Variants in GPHN observed in about 807,000 individuals in gnomAD.
GPHN encodes gephyrin.
A neutral mutation model predicts 95.5 loss-of-function variants in GPHN; 17 were observed. The observed-to-expected ratio is 0.18, with a 90% CI of 0.12 to 0.27. GPHN has a LOEUF of 0.27. GPHN is among the 10% of genes least tolerant of loss of function. The probability of loss-of-function intolerance (pLI) is 1.00; values close to 1 mark genes in which losing one functional copy is unlikely to be tolerated. For synonymous variants in GPHN, 320 were observed against 322.5 expected (o/e 0.99, Z 0.08); for missense variants, 660 against 978.1 (o/e 0.67, Z 4.34).
intron 17 of GPHN, among the ~76,000 whole-genome samples, chr14:67,138,450 T>G (rs2080231878): frequency 6.6e-6 from 1 of 152,216 alleles, no homozygotes; most frequent in South Asian, 2.1e-4. Flanking sequence ...CTGTTTTCTC[T>G]CTATTATATT....
chr14:67,501,860 G>A, the GPHN span, among the ~76,000 whole-genome samples: 10 of 152,218 alleles, frequency 6.6e-5, no homozygotes, highest in Non-Finnish European at 1.3e-4. Context: ...GCACATTCAC[G>A]TTTCTATGGT....
At chr14:67,052,607 T>C (rs757400622) in intron 10 of GPHN, among the ~76,000 whole-genome samples, 1 of 152,188 alleles carries the variant, frequency 6.6e-6, no homozygotes, top group Non-Finnish European at 1.5e-5. Context: ...CTGACAGATA[T>C]CTACAGAACT....
chr14:67,730,010 G>A, the GPHN span, among the ~76,000 whole-genome samples: 1 of 152,208 alleles, frequency 6.6e-6, no homozygotes, highest in East Asian at 1.9e-4. Context: ...ATTCCGTGAA[G>A]CACTGGAAAT....
At chr14:66,927,033 C>T (rs2066518021) in intron 8 of GPHN, among the ~76,000 whole-genome samples, 2 of 151,906 alleles carry the variant, frequency 1.3e-5, no homozygotes, top group African/African-American at 2.4e-5. Flanking sequence ...ATTTCTTTTT[C>T]ATATTGTTCA....
intron 2 of GPHN, among the ~76,000 whole-genome samples, chr14:66,733,547 T>C (rs959522977): frequency 1.3e-5 from 2 of 152,216 alleles, no homozygotes; most frequent in African/African-American, 4.8e-5. Context: ...TTTCTTATGC[T>C]AGTTTCTCTT....
chr14:67,690,299 C>T, the GPHN span: 39 of 1,614,120 alleles, frequency 2.4e-5, 1 homozygote, highest in South Asian at 6.6e-5. Context: ...TAGAATTTCT[C>T]GCCCTGCAGG....
intron 8 of GPHN, among the ~76,000 whole-genome samples, chr14:66,947,162 C>G (rs2067806962): frequency 6.6e-6 from 1 of 152,168 alleles, no homozygotes; most frequent in South Asian, 2.1e-4. Flanking sequence ...TTATTGCTTA[C>G]TAAGCTCCAT....
At chr14:66,691,118 G>A (rs190373062) in intron 2 of GPHN, among the ~76,000 whole-genome samples, 47 of 152,140 alleles carry the variant, frequency 3.1e-4, no homozygotes, top group African/African-American at 1.0e-3. Flanking sequence ...GAGGTGGGAG[G>A]ATCAGTTGAG....
At chr14:66,647,339 A>T (rs1178796207) in intron 1 of GPHN, among the ~76,000 whole-genome samples, 1 of 151,466 alleles carries the variant, frequency 6.6e-6, no homozygotes, top group Non-Finnish European at 1.5e-5. Context: ...AAAAAGATTT[A>T]AAAATGTATA....
At chr14:66,720,016 G>T (rs2070578264) in intron 2 of GPHN, among the ~76,000 whole-genome samples, 1 of 151,846 alleles carries the variant, frequency 6.6e-6, no homozygotes, top group Admixed American at 6.6e-5. Context: ...TAATCTAGAA[G>T]GTTATTTTAA....
At chr14:66,661,364 A>C (rs2065637803) in intron 1 of GPHN, among the ~76,000 whole-genome samples, 1 of 152,122 alleles carries the variant, frequency 6.6e-6, no homozygotes, top group Non-Finnish European at 1.5e-5. Flanking sequence ...CTGGGCATGG[A>C]AGGGATCACC....
the GPHN span, among the ~76,000 whole-genome samples, chr14:67,242,312 A>G: frequency 2.0e-3 from 300 of 152,324 alleles, 1 homozygote; most frequent in Middle Eastern, 6.8e-3. Flanking sequence ...AAGTTTTTAG[A>G]TGTAGTATGG....
At chr14:67,556,725 T>TA in the GPHN span, among the ~76,000 whole-genome samples, 2 of 152,210 alleles carry the variant, frequency 1.3e-5, no homozygotes, top group African/African-American at 2.4e-5. Flanking sequence ...TTATCTGTTT[T>TA]AAAAAAATTT....
At chr14:67,646,472 A>G in the GPHN span, 4 of 577,836 alleles carry the variant, frequency 6.9e-6, no homozygotes, top group Middle Eastern at 5.5e-4. Flanking sequence ...CTTCTGAAAC[A>G]TTTCCACCTT....
chr14:66,713,990 C>A (rs2069918838), intron 2 of GPHN, among the ~76,000 whole-genome samples: 1 of 152,032 alleles, frequency 6.6e-6, no homozygotes, highest in African/African-American at 2.4e-5. Context: ...GCTGGTTTCA[C>A]AATCCTCACC....
chr14:66,925,600 A>G (rs1483555018), intron 8 of GPHN, among the ~76,000 whole-genome samples: 1 of 152,198 alleles, frequency 6.6e-6, no homozygotes, highest in African/African-American at 2.4e-5. Context: ...GTTGCAAATG[A>G]CAGGATCTCA....
the GPHN span, among the ~76,000 whole-genome samples, chr14:67,416,907 A>C: frequency 0.31 from 46,840 of 152,204 alleles, 11,522 homozygotes; most frequent in African/African-American, 0.65. Flanking sequence ...GTGAACATTG[A>C]GTGGTCCTAC....
At chr14:66,660,687 A>G (rs2065591183) in intron 1 of GPHN, among the ~76,000 whole-genome samples, 1 of 152,166 alleles carries the variant, frequency 6.6e-6, no homozygotes, top group Non-Finnish European at 1.5e-5. Flanking sequence ...TCTTACAGAG[A>G]GGAACGAAAG....
At chr14:67,724,685 G>C in the GPHN span, 9 of 976,396 alleles carry the variant, frequency 9.2e-6, no homozygotes, top group South Asian at 1.1e-4. Flanking sequence ...TTCCTCCTAG[G>C]CTTGGGGGCT....
Sources: gnomAD v4.1 joint callset for allele counts (sites outside exome capture counted in the v4.1 genomes callset) on GRCh38, gnomAD v4.1.1 for gene constraint, MANE v1.5 for transcripts, NCBI Gene and HGNC (gene_info 2026-07-23, HGNC 2026-07-21) for gene names.